The following PRKAG2 variants were observed in gnomAD, a reference collection of about 807,000 sequenced individuals.
The protein encoded by PRKAG2 is protein kinase AMP-activated non-catalytic subunit gamma 2, also known as 5'-AMP-activated protein kinase subunit gamma-2.
PRKAG2 carries 26 observed loss-of-function variants against 69.6 expected under a neutral mutation model. The observed-to-expected ratio is 0.37, with a 90% CI of 0.27 to 0.52. The LOEUF (loss-of-function observed/expected upper bound fraction) is 0.52. Ranked by LOEUF, PRKAG2 falls within the 20% of genes least tolerant of loss-of-function variation. PRKAG2 has a pLI of 0.90. For synonymous variants in PRKAG2, 293 were observed against 285.0 expected, an observed-to-expected ratio of 1.03 and a Z score of -0.28; for missense variants, 557 against 740.0, an observed-to-expected ratio of 0.75 and a Z score of 2.87.
chr7:151,751,791 G>C (rs1482482015), intron 3 of PRKAG2, among the ~76,000 whole-genome samples: 1 of 152,182 alleles, frequency 6.6e-6, no homozygotes, highest in African/African-American at 2.4e-5. Flanking sequence ...GGGATTACAT[G>C]TGTAAGCCAC....
At chr7:151,870,807 G>C (rs927562504) in intron 1 of PRKAG2, among the ~76,000 whole-genome samples, 3 of 152,362 alleles carry the variant, frequency 2.0e-5, no homozygotes, top group African/African-American at 7.2e-5. Context: ...CACGCGGCGG[G>C]GGGAGGCACC....
chr7:151,582,410 C>T (rs1049201267), intron 6 of PRKAG2, among the ~76,000 whole-genome samples: 1 of 152,104 alleles, frequency 6.6e-6, no homozygotes, highest in Non-Finnish European at 1.5e-5. Context: ...CCTCTGCCTC[C>T]CAAAGTGCTG....
At chr7:151,646,816 G>A (rs1419067351) in intron 4 of PRKAG2, among the ~76,000 whole-genome samples, 50 of 152,130 alleles carry the variant, frequency 3.3e-4, no homozygotes, top group Admixed American at 3.3e-3. Flanking sequence ...ATGGATAGAT[G>A]GATATCTGCT....
At chr7:151,796,144 A>G (rs562305970) in intron 1 of PRKAG2, among the ~76,000 whole-genome samples, 343 of 151,824 alleles carry the variant, frequency 2.3e-3, no homozygotes, top group Middle Eastern at 0.02. Context: ...CCCTCACCCG[A>G]GCTGGTGGGG....
intron 14 of PRKAG2, among the ~76,000 whole-genome samples, chr7:151,563,644 G>A (rs760717523): frequency 3.3e-5 from 5 of 152,166 alleles, no homozygotes; most frequent in Non-Finnish European, 5.9e-5. Flanking sequence ...CAGTGGCACC[G>A]CCACAGCTCA....
intron 2 of PRKAG2, 92 bp downstream of exon 2, chr7:151,786,378 G>C: frequency 7.9e-7 from 1 of 1,262,032 alleles, no homozygotes; most frequent in Admixed American, 2.0e-5. Flanking sequence ...TGGGCGTGAG[G>C]GTGAACACAC....
chr7:151,566,115 A>G (rs1806201149), intron 11 of PRKAG2, among the ~76,000 whole-genome samples: 1 of 152,236 alleles, frequency 6.6e-6, no homozygotes, highest in African/African-American at 2.4e-5. Flanking sequence ...ATTGCAGAGC[A>G]TTGATACTGT....
chr7:151,708,580 G>A (rs1839013504), intron 3 of PRKAG2, among the ~76,000 whole-genome samples: 1 of 152,212 alleles, frequency 6.6e-6, no homozygotes, highest in Admixed American at 6.5e-5. Context: ...TGGAGCCAGA[G>A]GGTCCTCATG....
At position 151,848,512 on chromosome 7, in the gene PRKAG2, C is replaced by CTTTTTTTTTTTTTTTTT. The variant is rs1158559692; in HGVS notation, c.114+27978_114+27994dup. ...AACAGATGAAGAAAATACTGCATGT[C>CTTTTTTTTTTTTTTTTT]TTTTTTTTTTTTTTTTTTTTTTTTT... is the stretch of plus-strand genomic sequence containing the variant. On this transcript the variant is annotated intron_variant, in intron 1 of 15. Transcript: ENST00000287878. Among the ~76,000 whole-genome samples, 13 of 62,250 alleles carry CTTTTTTTTTTTTTTTTT rather than the reference C, an allele frequency of 2.1e-4. 5 individuals carry two copies. The highest frequency in any genetic ancestry group is 8.6e-4 in the African/African-American group (12 of 13,954). 40.8% of individuals were successfully genotyped at this position (62,250 alleles called of 152,430 possible).
intron 3 of PRKAG2, among the ~76,000 whole-genome samples, chr7:151,697,882 C>A (rs1836966122): frequency 6.6e-6 from 1 of 152,220 alleles, no homozygotes; most frequent in Non-Finnish European, 1.5e-5. Context: ...CAAGGCGAAT[C>A]CAAGCTTTGA....
intron 11 of PRKAG2, among the ~76,000 whole-genome samples, chr7:151,568,091 ACT>A (rs1258043479): frequency 6.6e-6 from 1 of 152,110 alleles, no homozygotes; most frequent in South Asian, 2.1e-4. Flanking sequence ...CCTCTTATAA[ACT>A]CTCTGTTCTT....
At chr7:151,631,783 C>T in intron 5 of PRKAG2, 1 of 481,584 alleles carries the variant, frequency 2.1e-6, no homozygotes, top group Non-Finnish European at 4.1e-6. Flanking sequence ...AATTCGAGTT[C>T]GGCGAGTAAG....
chr7:151,808,279 T>C (rs1180550286), intron 1 of PRKAG2, among the ~76,000 whole-genome samples: 1 of 152,226 alleles, frequency 6.6e-6, no homozygotes, highest in African/African-American at 2.4e-5. Context: ...GCCTCGGCAT[T>C]TGGGACCATT....
At chr7:151,572,365 C>T in intron 9 of PRKAG2, 1 of 251,804 alleles carries the variant, frequency 4.0e-6, no homozygotes, top group Non-Finnish European at 7.5e-6. Flanking sequence ...GAGCGGTGGC[C>T]CCATTGTGGG....
intron 1 of PRKAG2, among the ~76,000 whole-genome samples, chr7:151,818,510 G>A (rs1006193419): frequency 4.6e-5 from 7 of 152,256 alleles, no homozygotes; most frequent in South Asian, 2.1e-4. Flanking sequence ...AGCCAATCTC[G>A]GCACCAGGCC....
chr7:151,562,696 G>A lies in PRKAG2; in HGVS notation c.1584+1382C>T, dbSNP rs546960059. 1.1e-4 allele frequency among the ~76,000 whole-genome samples: 16 copies of A among 152,164 alleles called. No homozygotes were observed. The South Asian group carries it at 2.9e-3, about 28-fold the overall frequency. On this transcript the variant is annotated intron_variant, in intron 14 of 15. Coordinates refer to ENST00000287878, the MANE Select transcript of PRKAG2 (RefSeq NM_016203.4). ...TCAATAGTGGATATTAGCCGGGTGCGGTGGCTCATGCCTGTAATCCCAGCA... is the reference window on the plus strand; with the variant it reads ...TCAATAGTGGATATTAGCCGGGTGCAGTGGCTCATGCCTGTAATCCCAGCA...
intron 3 of PRKAG2, among the ~76,000 whole-genome samples, chr7:151,679,937 T>C (rs1214626945): frequency 6.6e-6 from 1 of 151,416 alleles, no homozygotes; most frequent in Non-Finnish European, 1.5e-5. Context: ...TGGTGACATA[T>C]GCCTGTAGTC....
Position 151,814,215 on chromosome 7 carries a change from A to T in PRKAG2, c.115-27674T>A, listed in dbSNP as rs1298691280. 6.6e-6 allele frequency among the ~76,000 whole-genome samples: 1 copy of T among 152,202 alleles called. No individual in the cohort carries two copies. The highest frequency in any genetic ancestry group is 1.5e-5 in the Non-Finnish European group (1 of 68,046). The stretch of plus-strand genomic sequence containing the variant: ...AGAAAAAGTTATGTAAGGAGAAAAC[A>T]TACAGCTTCCGTGGAGAGAAGGAAC... On this transcript the variant is annotated intron_variant, in intron 1 of 15. Transcript: ENST00000287878. This position sits in a 1 kb window ranked among gnomAD's most constrained non-coding sequence, Gnocchi z 4.8.
intron 1 of PRKAG2, chr7:151,837,635 G>A (rs1241582814): frequency 6.6e-6 from 1 of 152,230 alleles, no homozygotes; most frequent in Non-Finnish European, 1.5e-5. Flanking sequence ...GGGAGCAGGG[G>A]AGAGGCTTAG....
Sources: gnomAD v4.1 joint callset for allele counts (sites outside exome capture counted in the v4.1 genomes callset) on GRCh38, gnomAD v4.1.1 for gene constraint, Gnocchi (gnomAD v3.1) non-coding constraint, MANE v1.5 for transcripts, NCBI Gene and HGNC (gene_info 2026-07-23, HGNC 2026-07-21) for gene names.